The following ZNF550 variants were observed in gnomAD, a reference collection of about 807,000 sequenced individuals.
The protein encoded by ZNF550 is zinc finger protein 550.
Under a neutral mutation model 40.2 loss-of-function variants are expected in ZNF550, and 42 were observed. The observed-to-expected ratio is 1.05, with a 90% CI of 0.82 to 1.35. The LOEUF is 1.35. Ranked by LOEUF, ZNF550 falls within the 40% of genes most tolerant of loss-of-function variation. The pLI is 0.00. For synonymous variants in ZNF550, 223 were observed against 198.6 expected (o/e 1.12, Z -1.03); for missense variants, 549 against 525.2 (o/e 1.05, Z -0.44).
upstream of ZNF550, among the ~76,000 whole-genome samples, chr19:57,560,061 T>C (rs1169638569): frequency 2.0e-5 from 3 of 152,188 alleles, no homozygotes; most frequent in Non-Finnish European, 2.9e-5. Flanking sequence ...AACTTCCTAT[T>C]ATTCGGATGC....
exon 1 of ZNF550, chr19:57,559,740 C>T: frequency 7.1e-7 from 1 of 1,412,094 alleles, no homozygotes; most frequent in Non-Finnish European, 9.4e-7. Flanking sequence ...AAAACCCTAC[C>T]CCGGGTCCTA....
At chr19:57,551,324 G>A (rs1286492492) in intron 3 of ZNF550, among the ~76,000 whole-genome samples, 1 of 152,134 alleles carries the variant, frequency 6.6e-6, no homozygotes, top group South Asian at 2.1e-4. Context: ...TGCAGGAGCC[G>A]GTGCAGGGAC....
chr19:57,552,392 G>T (rs1568599683), intron 3 of ZNF550: 2 of 493,442 alleles, frequency 4.1e-6, no homozygotes, highest in Non-Finnish European at 7.2e-6. Flanking sequence ...CAGCTGGATT[G>T]AGCCAGAGCA....
chr19:57,551,407 A>T (rs1351896347), intron 3 of ZNF550, among the ~76,000 whole-genome samples: 3 of 151,986 alleles, frequency 2.0e-5, no homozygotes, highest in South Asian at 4.2e-4. Flanking sequence ...CAGGCAGAAG[A>T]TTATGAGAGC....
chr19:57,560,754 T>C (rs1303213813), upstream of ZNF550, among the ~76,000 whole-genome samples: 1 of 152,164 alleles, frequency 6.6e-6, no homozygotes, highest in African/African-American at 2.4e-5. Context: ...GGGTGTGTGA[T>C]TTAATGTGGC....
At chr19:57,548,831 G>T (rs1042477237) in intron 3 of ZNF550, among the ~76,000 whole-genome samples, 7 of 152,112 alleles carry the variant, frequency 4.6e-5, no homozygotes, top group Non-Finnish European at 1.0e-4. Context: ...ACAATTTAAG[G>T]GTCCATCAAC....
At chr19:57,547,388 G>A (rs1301905043) in exon 4 of ZNF550, 2 of 1,612,858 alleles carry the variant, frequency 1.2e-6, no homozygotes, top group East Asian at 4.5e-5. Context: ...CACTCATAGG[G>A]TTTCTCTCCA....
exon 1 of ZNF550, chr19:57,559,690 T>C (rs1415420699): frequency 8.7e-6 from 13 of 1,502,440 alleles, no homozygotes; most frequent in South Asian, 1.2e-5. Context: ...CATCCGACCG[T>C]TGGCAGGACG....
rs755721657 is a variant in ZNF550 at position 57,547,545 on chromosome 19, G to T, written c.699C>A (p.Cys233Ter). ...GGCTAAAGGCTTTCCCACATGCATT[G>T]CATTCATAGGGTTTCATTCCAGTGT... The change falls in exon 4 of 5, where the codon TGC becomes TGA. Residue 233 changes from cysteine to a stop codon, truncating the protein, a stop_gained. Coordinates refer to ENST00000457177, the Ensembl canonical transcript of ZNF550. LOFTEE classifies it high-confidence loss of function. 1 of 1,614,190 alleles carries T rather than the reference G, an allele frequency of 6.2e-7. No homozygotes were observed. The highest frequency in any genetic ancestry group is 1.1e-5 in the South Asian group (1 of 91,078).
At position 57,544,430 on chromosome 19, in the gene ZNF550, A is replaced by G. The variant is rs77986379; in HGVS notation, c.*519-1187T>C. The stretch of plus-strand genomic sequence containing the variant: ...TTGATGACAGCCAATATGTTTCTAG[A>G]GGGGTTTCTCCAACTCTCTTGAACC... On this transcript the variant is annotated intron_variant, in intron 4 of 4. Coordinates refer to ENST00000457177, the Ensembl canonical transcript of ZNF550. 3.6e-3 allele frequency: 3,594 copies of G among 985,378 alleles called. 107 individuals are homozygous for G. In the African/African-American group the frequency reaches 0.057, roughly 15 times the overall value. 61.0% of individuals were successfully genotyped at this position (985,378 alleles called of 1,614,324 possible).
intron 1 of ZNF550, chr19:57,557,676 G>A (rs764089675): frequency 5.3e-5 from 8 of 152,104 alleles, no homozygotes; most frequent in Non-Finnish European, 1.2e-4. Flanking sequence ...AATACCCACA[G>A]GTGTAGAGGG....
Position 57,547,586 on chromosome 19 carries a change from G to A in ZNF550, c.658C>T (p.Arg220Ter), listed in dbSNP as rs371722942. The stretch of plus-strand genomic sequence containing the variant: ...ATTCCAGTGTGAACCCTCTGATGTC[G>A]AACGAGATACCACTTCCTGTTAAAA... The change falls in exon 4 of 5, where the codon CGA becomes TGA. Residue 220 changes from arginine (R) to a stop codon, truncating the protein, a stop_gained. Coordinates refer to ENST00000457177, the Ensembl canonical transcript of ZNF550. LOFTEE classifies it high-confidence loss of function. 2.9e-5 allele frequency: 47 copies of A among 1,613,980 alleles called. No individual in the cohort carries two copies. The highest frequency in any genetic ancestry group is 2.3e-4 in the South Asian group (21 of 91,078).
At chr19:57,544,013 G>GT in intron 4 of ZNF550, 1 of 985,432 alleles carries the variant, frequency 1.0e-6, no homozygotes. Flanking sequence ...AACTTTTACT[G>GT]TAAGTTCAAA....
chr19:57,554,034 A>C lies in ZNF550; in HGVS notation c.155-1312T>G, dbSNP rs1024354789. 1 of 152,218 alleles carries C rather than the reference A, an allele frequency of 6.6e-6. No homozygotes were observed. Among genetic ancestry groups the C allele is most frequent in the Admixed American group, 6.5e-5 (1 of 15,268 alleles). 9.4% of individuals were successfully genotyped at this position (152,218 alleles called of 1,614,324 possible). ...CTACCAAAAATATAAAAAATTAGCC[A>C]GGTATGGTGGTGTGCACCTATGGTC... On this transcript the variant is annotated intron_variant, in intron 2 of 4. Transcript: ENST00000457177. The surrounding 1 kb of genome is among the most constrained non-coding windows in gnomAD (Gnocchi z 4.5).
chr19:57,549,506 A>C (rs192914436), intron 3 of ZNF550, among the ~76,000 whole-genome samples: 2 of 152,316 alleles, frequency 1.3e-5, no homozygotes, highest in East Asian at 3.9e-4. Context: ...AGTTTAGGGA[A>C]GTTGCACCTA....
rs757573204 is a variant in ZNF550 at position 57,559,599 on chromosome 19, G to A, written c.27+57C>T. 3.0e-5 allele frequency: 42 copies of A among 1,421,504 alleles called. No individual in the cohort carries two copies. The South Asian group carries it at 3.9e-4, about 13-fold the overall frequency. The allele number at this position is 1,421,504 out of a possible 1,614,324, so 88.1% of individuals were successfully genotyped here. A position where few individuals can be genotyped will look rare whatever the true frequency, so the allele number is the denominator to read the frequency against. The stretch of plus-strand genomic sequence containing the variant: ...ACCCTGAAACGCCGTCCTTCCGCTC[G>A]TCGGGCCCGGGACACTGAGGCCGGG... On this transcript the variant is annotated intron_variant, in intron 1 of 4. Coordinates refer to ENST00000457177, the Ensembl canonical transcript of ZNF550.
At chr19:57,541,966 A>G (rs1170139971) in exon 5 of ZNF550, 1 of 152,194 alleles carries the variant, frequency 6.6e-6, no homozygotes, top group African/African-American at 2.4e-5. Context: ...GGACTAGCCC[A>G]TATAATATAC....
At chr19:57,559,982 C>T (rs533056380), upstream of ZNF550, 1 of 365,964 alleles carries the variant, frequency 2.7e-6, no homozygotes, top group Admixed American at 4.6e-5. Flanking sequence ...TTATTATGCA[C>T]ACCATGTTTC....
chr19:57,556,447 A>C, intron 1 of ZNF550, 90 bp from the exon 2 acceptor site: 1 of 1,515,364 alleles, frequency 6.6e-7, no homozygotes, highest in South Asian at 1.3e-5. Context: ...ATGTGCAGAG[A>C]GATCCAGGTC....
Sources: allele counts gnomAD v4.1 joint callset (sites outside exome capture counted in the v4.1 genomes callset), GRCh38; gene constraint gnomAD v4.1.1; non-coding constraint Gnocchi (gnomAD v3.1); transcripts MANE v1.5; gene names NCBI Gene and HGNC (gene_info 2026-07-23, HGNC 2026-07-21).